The following DDX46 variants were observed in gnomAD, a reference collection of about 807,000 sequenced individuals.
DDX46 encodes probable ATP-dependent RNA helicase DDX46.
DDX46 carries 30 observed loss-of-function variants against 134.9 expected under a neutral mutation model. The observed-to-expected ratio is 0.22, with a 90% CI of 0.17 to 0.30. The LOEUF is 0.30. Ranked by LOEUF, DDX46 falls within the 10% of genes least tolerant of loss-of-function variation. DDX46 has a pLI of 1.00. For synonymous variants in DDX46, 415 were observed against 404.1 expected, an observed-to-expected ratio of 1.03 and a Z score of -0.32; for missense variants, 622 against 1,248.7, an observed-to-expected ratio of 0.50 and a Z score of 7.56.
intron 16 of DDX46, among the ~76,000 whole-genome samples, chr5:134,809,718 G>A (rs770472346): frequency 2.7e-5 from 4 of 150,036 alleles, no homozygotes; most frequent in South Asian, 2.2e-4. Flanking sequence ...TTTAAAATTC[G>A]TAACAGTTGG....
chr5:134,814,841 C>G (rs1472264957), intron 18 of DDX46, among the ~76,000 whole-genome samples: 1 of 152,080 alleles, frequency 6.6e-6, no homozygotes, highest in Non-Finnish European at 1.5e-5. Context: ...GTCTTGAACT[C>G]CTGGGCTCAA....
intron 6 of DDX46, among the ~76,000 whole-genome samples, chr5:134,780,096 ATATGTGTGTGTGTG>A (rs1301861350): frequency 1.9e-3 from 237 of 123,500 alleles, no homozygotes; most frequent in African/African-American, 7.4e-3. Flanking sequence ...TGAAAAAAAT[ATATGTGTGTGTGTG>A]TGTGTGTGTG....
At chr5:134,790,259 CAT>C in intron 12 of DDX46, 1 of 628,966 alleles carries the variant, frequency 1.6e-6, no homozygotes, top group South Asian at 1.6e-5. Flanking sequence ...TAAAGGGCCT[CAT>C]ATACCCATTG....
chr5:134,814,939 A>G (rs556861141), intron 18 of DDX46, among the ~76,000 whole-genome samples: 121 of 152,322 alleles, frequency 7.9e-4, no homozygotes, highest in Admixed American at 3.3e-3. Context: ...TTTAATAGGT[A>G]ATAAATGTTT....
At position 134,770,927 on chromosome 5, in the gene DDX46, T is replaced by A; in HGVS notation, c.375T>A (p.Asp125Glu). 5.7e-6 allele frequency: 9 copies of A among 1,586,354 alleles called. No individual in the cohort carries two copies. Among genetic ancestry groups the A allele is most frequent in the Non-Finnish European group, 6.8e-6 (8 of 1,170,536 alleles). The change falls in exon 4 of 23, where the codon GAT (aspartate) becomes GAA (glutamate). Residue 125 changes from aspartate to glutamate, a missense_variant. By Grantham distance (45) the Asp-to-Glu change is conservative. Around this residue, in one of 8 missense-constraint regions of DDX46, gnomAD observed 244 missense variants for 349.3 expected, o/e 0.70. Coordinates refer to ENST00000452510, the MANE Select transcript of DDX46 (RefSeq NM_001300860.2). ...ENRSRSKEKTDGGESSKEKKK... is the reference protein window; with the variant it reads ...ENRSRSKEKTEGGESSKEKKK... ...GATCTAGGTCCAAAGAGAAAACTGA[T>A]GGTGGGGAAAGTTCTAAAGAGAAGA...
chr5:134,762,652 G>A (rs1753427266), intron 1 of DDX46, among the ~76,000 whole-genome samples: 1 of 152,070 alleles, frequency 6.6e-6, no homozygotes, highest in Non-Finnish European at 1.5e-5. Context: ...AGGATTGCTT[G>A]AACCTGGGAG....
At chr5:134,791,115 G>A (rs940161207) in intron 13 of DDX46, among the ~76,000 whole-genome samples, 4 of 152,202 alleles carry the variant, frequency 2.6e-5, no homozygotes, top group African/African-American at 9.6e-5. Context: ...ACTGTGCCCG[G>A]CCCATTGTCT....
chr5:134,760,992 G>C (rs1353716325), intron 1 of DDX46, among the ~76,000 whole-genome samples: 1 of 152,022 alleles, frequency 6.6e-6, no homozygotes, highest in East Asian at 1.9e-4. Context: ...GCCTCCCAAA[G>C]TTCTGGGATT....
chr5:134,799,840 T>G (rs1463965591), intron 15 of DDX46, among the ~76,000 whole-genome samples: 1 of 151,446 alleles, frequency 6.6e-6, no homozygotes, highest in Non-Finnish European at 1.5e-5. Context: ...AGTCTAGGAG[T>G]TCGAGGCCAG....
At chr5:134,818,206 G>T (rs1437646252) in intron 20 of DDX46, among the ~76,000 whole-genome samples, 3 of 150,884 alleles carry the variant, frequency 2.0e-5, no homozygotes, top group Admixed American at 6.6e-5. Context: ...TCATCTGCCC[G>T]CCTCGGCCTC....
At chr5:134,788,376 A>T (rs1754404590) in intron 11 of DDX46, 137 bp from the exon 12 acceptor site, 8 of 594,998 alleles carry the variant, frequency 1.3e-5, no homozygotes, top group Non-Finnish European at 2.3e-5. Flanking sequence ...TTTCTTTAGT[A>T]GTGCCCCGAG....
chr5:134,777,398 A>G (rs1322519853), intron 5 of DDX46, among the ~76,000 whole-genome samples, 176 bp from the exon 6 acceptor site: 2 of 152,244 alleles, frequency 1.3e-5, no homozygotes, highest in Non-Finnish European at 2.9e-5. Flanking sequence ...TACATGCTTC[A>G]TGTAAAAATG....
In DDX46 at chr5:134,771,085, CTT is replaced by C; in HGVS notation, c.447+88_447+89del. The stretch of plus-strand genomic sequence containing the variant: ...TCTTTCTTTCCCTCTTTCTTTCTTT[CTT>C]TCTCTTTCTTTCTTTCTTTTCTGTC... On this transcript the variant is annotated intron_variant, in intron 4 of 22. Coordinates refer to ENST00000452510, the MANE Select transcript of DDX46 (RefSeq NM_001300860.2). 3 of 584,826 alleles carry C rather than the reference CTT, an allele frequency of 5.1e-6. No homozygotes were observed. The South Asian group carries it at 6.7e-5, about 13-fold the overall frequency. The allele number at this position is 584,826 out of a possible 1,614,324, so 36.2% of individuals were successfully genotyped here. A position where few individuals can be genotyped will look rare whatever the true frequency, so the allele number is the denominator to read the frequency against.
intron 4 of DDX46, among the ~76,000 whole-genome samples, chr5:134,771,536 CAA>C (rs74329372): frequency 1.3e-4 from 11 of 83,996 alleles, no homozygotes; most frequent in Non-Finnish European, 1.6e-4. Flanking sequence ...ACTAAAAATA[CAA>C]AAAAAAAAAA....
At chr5:134,819,224 G>T (rs1463567593) in intron 21 of DDX46, among the ~76,000 whole-genome samples, 1 of 152,168 alleles carries the variant, frequency 6.6e-6, no homozygotes, top group Admixed American at 6.5e-5. Context: ...TGGCAATTTA[G>T]TCAAATTTGA....
chr5:134,765,534 C>T (rs955894103), intron 2 of DDX46, among the ~76,000 whole-genome samples: 76 of 151,920 alleles, frequency 5.0e-4, no homozygotes, highest in African/African-American at 1.8e-3. Flanking sequence ...GCCTGGGCGA[C>T]AGATCAGGAC....
At chr5:134,762,333 G>C (rs985266249) in intron 1 of DDX46, among the ~76,000 whole-genome samples, 2 of 151,958 alleles carry the variant, frequency 1.3e-5, no homozygotes, top group Non-Finnish European at 2.9e-5. Context: ...TGGAAGGATT[G>C]CTGGGGCCCA....
At chr5:134,811,893 T>G (rs1164393410) in intron 18 of DDX46, 48 bp downstream of exon 18, 1 of 1,583,932 alleles carries the variant, frequency 6.3e-7, no homozygotes, top group South Asian at 1.2e-5. Context: ...TTATTTCTTT[T>G]GTACTGGAGG....
chr5:134,772,028 C>T (rs1375079472), intron 4 of DDX46, among the ~76,000 whole-genome samples: 2 of 150,460 alleles, frequency 1.3e-5, no homozygotes, highest in Admixed American at 6.6e-5. Flanking sequence ...GTCAGGAGTT[C>T]GAGACCAGCC....
Sources: gnomAD v4.1 joint callset for allele counts (sites outside exome capture counted in the v4.1 genomes callset) on GRCh38, gnomAD v4.1.1 for gene constraint, gnomAD v4.1.1 regional missense constraint, MANE v1.5 for transcripts, NCBI Gene and HGNC (gene_info 2026-07-23, HGNC 2026-07-21) for gene names.